FSTL4: variants seen among roughly 807,000 people sequenced by gnomAD.
FSTL4 encodes the protein follistatin like 4.
In FSTL4, 28 loss-of-function variants were observed where a neutral mutation model predicts 78.2. The ratio of observed to expected loss-of-function variants is 0.36; its 90% CI spans 0.27 to 0.49. The LOEUF is 0.49. Among genes scored for constraint, FSTL4 ranks in the 20% least tolerant of loss-of-function variants. The pLI, the probability that FSTL4 is intolerant of heterozygous loss-of-function variation, is 0.98. For missense variants in FSTL4, 922 were observed against 1,084.9 expected, an observed-to-expected ratio of 0.85 and a Z score of 2.11; for synonymous variants, 422 against 440.5, an observed-to-expected ratio of 0.96 and a Z score of 0.53.
chr5:133,673,577 A>G, the FSTL4 span, among the ~76,000 whole-genome samples: 1 of 152,248 alleles, frequency 6.6e-6, no homozygotes, highest in Non-Finnish European at 1.5e-5. Context: ...GATGCCTGCC[A>G]ACCATTGTGG....
Position 133,567,223 on chromosome 5 carries a change from C to T in FSTL4, c.127-4G>A, listed in dbSNP as rs879148862. On this transcript the variant is annotated splice_region_variant and splice_polypyrimidine_tract_variant and intron_variant, in intron 2 of 15. Coordinates refer to ENST00000265342, the MANE Select transcript of FSTL4 (RefSeq NM_015082.2). ...TGACTTCAAAGCTTCTGGGCTCCTG[C>T]AAGAAAAGAAAGACTTTGTGTTTTC... is the stretch of plus-strand genomic sequence containing the variant. 1 of 1,605,174 alleles carries T rather than the reference C, an allele frequency of 6.2e-7. No homozygotes were observed. The highest frequency in any genetic ancestry group is 2.2e-5 in the East Asian group (1 of 44,840).
intron 3 of FSTL4, among the ~76,000 whole-genome samples, chr5:133,514,666 T>A (rs555822456): frequency 1.1e-4 from 16 of 151,936 alleles, no homozygotes; most frequent in African/African-American, 3.9e-4. Context: ...GAAGAAAAAA[T>A]GGTAAGAAAT....
At chr5:133,439,748 T>C (rs1212918718) in intron 3 of FSTL4, among the ~76,000 whole-genome samples, 1 of 152,178 alleles carries the variant, frequency 6.6e-6, no homozygotes, top group Non-Finnish European at 1.5e-5. Context: ...CCTGACAGCG[T>C]GCAGGCTCCA....
intron 14 of FSTL4, 54 bp from the exon 15 acceptor site, chr5:133,202,096 C>T (rs1750341607): frequency 8.7e-7 from 1 of 1,143,632 alleles, no homozygotes; most frequent in Non-Finnish European, 1.3e-6. Context: ...GGGGCTGAAC[C>T]TGGAGACACC....
At position 133,541,324 on chromosome 5, in the gene FSTL4, T is replaced by C. The variant is rs564310394; in HGVS notation, c.160+25862A>G. ...CTTCTCTTTTCAGGCTGTCTCAGGC[T>C]CTTTCCATGTGGTTCTTCCACATGG... On this transcript the variant is annotated intron_variant, in intron 3 of 15. Transcript: ENST00000265342. Among the ~76,000 whole-genome samples, 3 of 152,280 alleles carry C rather than the reference T, an allele frequency of 2.0e-5. No homozygotes were observed. The South Asian group carries it at 6.2e-4, about 32-fold the overall frequency.
At chr5:133,456,169 C>G (rs551491423) in intron 3 of FSTL4, among the ~76,000 whole-genome samples, 1 of 152,218 alleles carries the variant, frequency 6.6e-6, no homozygotes, top group African/African-American at 2.4e-5. Flanking sequence ...CTTGGAGGAG[C>G]TCCTCAGGGT....
intron 2 of FSTL4, among the ~76,000 whole-genome samples, chr5:133,592,510 C>T (rs1263133591): frequency 6.6e-6 from 1 of 152,124 alleles, no homozygotes; most frequent in Non-Finnish European, 1.5e-5. Flanking sequence ...TGTTTCTGTT[C>T]CTAAGAATTA....
At position 133,563,771 on chromosome 5, in the gene FSTL4, GT is replaced by G. The variant is rs371680595; in HGVS notation, c.160+3414del. On this transcript the variant is annotated intron_variant, in intron 3 of 15. Coordinates refer to ENST00000265342, the MANE Select transcript of FSTL4 (RefSeq NM_015082.2). ...TTTGTTAAATCCCACAGAAAACCAAGTTTGGAAAATGCTGCATATTACATTC... is the reference window on the plus strand; with the variant it reads ...TTTGTTAAATCCCACAGAAAACCAAGTTGGAAAATGCTGCATATTACATTC... 4.1e-3 allele frequency among the ~76,000 whole-genome samples: 626 copies of G among 152,306 alleles called. 3 individuals are homozygous for G. Among genetic ancestry groups the G allele is most frequent in the African/African-American group, 0.014 (588 of 41,570 alleles).
chr5:133,521,185 T>C (rs1362158689), intron 3 of FSTL4, among the ~76,000 whole-genome samples: 1 of 152,146 alleles, frequency 6.6e-6, no homozygotes, highest in Non-Finnish European at 1.5e-5. Flanking sequence ...TGTCTCCACT[T>C]AACCTTAGGT....
intron 4 of FSTL4, among the ~76,000 whole-genome samples, chr5:133,389,706 C>T (rs1273833411): frequency 1.3e-5 from 2 of 152,332 alleles, no homozygotes; most frequent in African/African-American, 4.8e-5. Flanking sequence ...ATTGGACAAG[C>T]TTGCACGGGG....
intron 3 of FSTL4, among the ~76,000 whole-genome samples, chr5:133,415,093 C>T (rs1580693969): frequency 6.6e-6 from 1 of 152,324 alleles, no homozygotes; most frequent in Non-Finnish European, 1.5e-5. Context: ...GTGACTAGTT[C>T]CTTTTGAGCC....
At chr5:133,291,354 G>A (rs1018691361) in intron 6 of FSTL4, among the ~76,000 whole-genome samples, 4 of 152,186 alleles carry the variant, frequency 2.6e-5, no homozygotes, top group African/African-American at 4.8e-5. Context: ...GGGGAGCAGC[G>A]CACCTGAGTG....
At chr5:133,466,483 A>G (rs1056449365) in intron 3 of FSTL4, among the ~76,000 whole-genome samples, 1 of 152,000 alleles carries the variant, frequency 6.6e-6, no homozygotes, top group Non-Finnish European at 1.5e-5. Flanking sequence ...CGGAGCTTGC[A>G]GTGAGCCGAG....
the FSTL4 span, among the ~76,000 whole-genome samples, chr5:133,683,060 A>G: frequency 6.6e-6 from 1 of 152,214 alleles, no homozygotes; most frequent in Admixed American, 6.5e-5. Flanking sequence ...ATCACAGAGA[A>G]GCAGAAAAAG....
At chr5:133,629,807 T>A in the FSTL4 span, among the ~76,000 whole-genome samples, 1 of 152,074 alleles carries the variant, frequency 6.6e-6, no homozygotes, top group Admixed American at 6.6e-5. Context: ...CACGATCAAG[T>A]CAGCTTCATC....
intron 4 of FSTL4, chr5:133,388,350 G>A (rs2126958693): frequency 6.6e-6 from 1 of 152,300 alleles, no homozygotes. Context: ...CATTTGATAA[G>A]TGTAGAATTC....
chr5:133,279,279 AG>A (rs1441689759), intron 6 of FSTL4, among the ~76,000 whole-genome samples: 1 of 152,202 alleles, frequency 6.6e-6, no homozygotes, highest in Non-Finnish European at 1.5e-5. Context: ...AGATTCTCAA[AG>A]GAGCACAAAC....
rs540591169 is a variant in FSTL4 at position 133,222,125 on chromosome 5, T to C, written c.1340-1259A>G. Among the ~76,000 whole-genome samples the C allele has an allele frequency of 2.6e-5, 4 of 152,074 alleles. No homozygotes were observed. In the East Asian group the frequency reaches 7.7e-4, roughly 29 times the overall value. ...GCTGTTGAACAAGGGGCTGACTCTA[T>C]GATAAACCTCAGCCGCCTCCAGCGT... On this transcript the variant is annotated intron_variant, in intron 11 of 15. Coordinates refer to ENST00000265342, the MANE Select transcript of FSTL4 (RefSeq NM_015082.2).
intron 4 of FSTL4, among the ~76,000 whole-genome samples, chr5:133,393,798 C>T (rs1755921942): frequency 6.6e-6 from 1 of 152,222 alleles, no homozygotes; most frequent in Non-Finnish European, 1.5e-5. Context: ...TGTCCAGAAG[C>T]TCTGTGAGTT....
Sources: allele counts gnomAD v4.1 joint callset (sites outside exome capture counted in the v4.1 genomes callset), GRCh38; gene constraint gnomAD v4.1.1; transcripts MANE v1.5; gene names NCBI Gene and HGNC (gene_info 2026-07-23, HGNC 2026-07-21).